HEATR1: variants seen among roughly 807,000 people sequenced by gnomAD.
HEATR1 encodes the protein HEAT repeat containing 1.
In HEATR1, 77 loss-of-function variants were observed where a neutral mutation model predicts 248.2. The observed-to-expected ratio is 0.31, with a 90% CI of 0.26 to 0.37. The LOEUF (loss-of-function observed/expected upper bound fraction) is 0.37, where lower values mean the gene tolerates loss of function less well. Ranked by LOEUF, HEATR1 falls within the 10% of genes least tolerant of loss-of-function variation. The probability of loss-of-function intolerance (pLI) is 1.00; values close to 1 mark genes in which losing one functional copy is unlikely to be tolerated. For synonymous variants in HEATR1, 897 were observed against 923.1 expected, an observed-to-expected ratio of 0.97 and a Z score of 0.51; for missense variants, 2,420 against 2,504.9, an observed-to-expected ratio of 0.97 and a Z score of 0.72.
At chr1:236,589,497 A>T (rs570141419) in intron 12 of HEATR1, among the ~76,000 whole-genome samples, 11 of 151,976 alleles carry the variant, frequency 7.2e-5, no homozygotes, top group African/African-American at 2.6e-4. Flanking sequence ...ATAAAACAAA[A>T]ATTTTTTTTT....
chr1:236,604,017 C>G lies in HEATR1; in HGVS notation c.79G>C (p.Ala27Pro). The part of the protein sequence containing the change: ...DASLLSRDEV[A>P]SLLFDPKEAA... ...TCCTTAGGGTCAAATAACAAAGAAG[C>G]AACTTCATCTCTAGATAAGAGGCTG... The change falls in exon 2 of 45, where the codon GCT (alanine) becomes CCT (proline). Residue 27 changes from alanine to proline, a missense_variant. Physicochemically the swap from Ala to Pro is conservative, Grantham distance 27. Coordinates refer to ENST00000366582, the MANE Select transcript of HEATR1 (RefSeq NM_018072.6). 6.3e-7 allele frequency: 1 copy of G among 1,599,046 alleles called. No homozygotes were observed. Among genetic ancestry groups the G allele is most frequent in the Non-Finnish European group, 8.5e-7 (1 of 1,174,468 alleles).
chr1:236,577,002 TACAAAATTTACATAGTAC>T, intron 20 of HEATR1, 53 bp from the exon 21 acceptor site: 1 of 1,349,882 alleles, frequency 7.4e-7, no homozygotes, highest in African/African-American at 1.5e-5. Flanking sequence ...ACTGAAACAG[TACAAAATTTACATAGTAC>T]CAAAGGTACT....
chr1:236,601,934 A>C (rs867660573), intron 3 of HEATR1, among the ~76,000 whole-genome samples: 3 of 151,362 alleles, frequency 2.0e-5, no homozygotes, highest in African/African-American at 7.3e-5. Context: ...GTTTGAGACC[A>C]GCCTGGCCAA....
At chr1:236,603,619 C>T (rs1341540659) in intron 2 of HEATR1, among the ~76,000 whole-genome samples, 1 of 149,406 alleles carries the variant, frequency 6.7e-6, no homozygotes, top group Non-Finnish European at 1.5e-5. Context: ...TTGGATATCC[C>T]CTACAATAAC....
In HEATR1 at chr1:236,590,925, C is replaced by T; in HGVS notation, c.1452G>A (p.Met484Ile). Residue 484 changes from methionine (M) to isoleucine (I), a missense_variant, in exon 12 of 45, where the codon ATG becomes ATA. By Grantham distance (10) the Met-to-Ile change is conservative (BLOSUM62 1). Coordinates refer to ENST00000366582, the MANE Select transcript of HEATR1 (RefSeq NM_018072.6). The stretch of plus-strand genomic sequence containing the variant: ...GAGCAAGTGGATGATTCAGGCTGAG[C>T]ATCAAAGAAGTATCAGAATCTGCTA... ...QFLADSDTSL[M>I]LSLNHPLAPV... 2.6e-6 allele frequency: 4 copies of T among 1,511,152 alleles called. No homozygotes were observed. The highest frequency in any genetic ancestry group is 3.6e-6 in the Non-Finnish European group (4 of 1,120,782). The allele number at this position is 1,511,152 out of a possible 1,614,324, so 93.6% of individuals were successfully genotyped here. A position where few individuals can be genotyped will look rare whatever the true frequency, so the allele number is the denominator to read the frequency against.
rs549839641 is a variant in HEATR1, at chr1:236,575,472, T to C, written c.3085-569A>G. ...AGATGAGTAGCTGCAACAGAGACTG[T>C]GTGGCCCCAAAAGCATAAAATATTT... On this transcript the variant is annotated intron_variant, in intron 22 of 44. Transcript: ENST00000366582. 1.4e-4 allele frequency among the ~76,000 whole-genome samples: 21 copies of C among 152,316 alleles called. No homozygotes were observed. The South Asian group carries it at 4.1e-3, about 30-fold the overall frequency.
intron 24 of HEATR1, 21 bp downstream of exon 24, chr1:236,574,181 T>C (rs747761372): frequency 2.5e-6 from 4 of 1,576,566 alleles, no homozygotes; most frequent in Admixed American, 2.0e-5. Flanking sequence ...TAAAAAAAAT[T>C]ACAAGAAGTT....
At chr1:236,586,107 T>C (rs1663877453) in intron 15 of HEATR1, 134 bp downstream of exon 15, 3 of 1,235,174 alleles carry the variant, frequency 2.4e-6, no homozygotes, top group South Asian at 1.5e-5. Flanking sequence ...TTTCACTGTA[T>C]ACTTTTTATC....
intron 41 of HEATR1, 115 bp from the exon 42 acceptor site, chr1:236,554,867 T>C (rs1662911752): frequency 6.6e-6 from 6 of 912,984 alleles, no homozygotes; most frequent in Non-Finnish European, 9.9e-6. Flanking sequence ...TAAAATGATC[T>C]AGAAATCATA....
At chr1:236,573,097 C>T (rs940994988) in intron 24 of HEATR1, among the ~76,000 whole-genome samples, 1 of 152,182 alleles carries the variant, frequency 6.6e-6, no homozygotes, top group Non-Finnish European at 1.5e-5. Flanking sequence ...TTTAACCAAG[C>T]TCTCCTACTA....
At chr1:236,586,749 T>A (rs1663896071) in intron 14 of HEATR1, among the ~76,000 whole-genome samples, 2 of 151,800 alleles carry the variant, frequency 1.3e-5, no homozygotes, top group African/African-American at 4.8e-5. Context: ...AAAAAAATAA[T>A]AATTTTTCTT....
chr1:236,559,472 ATATAT>A (rs2103126494), intron 34 of HEATR1, among the ~76,000 whole-genome samples: 1 of 152,210 alleles, frequency 6.6e-6, no homozygotes, highest in East Asian at 1.9e-4. Flanking sequence ...GTAGAACAGT[ATATAT>A]TATATGACTT....
At chr1:236,586,017 C>G in intron 15 of HEATR1, 76 bp from the exon 16 acceptor site, 1 of 1,528,178 alleles carries the variant, frequency 6.5e-7, no homozygotes. Flanking sequence ...TTCAGGCAAA[C>G]ATTTTACTAT....
At position 236,558,533 on chromosome 1, in the gene HEATR1, A is replaced by AAGGGGAC; in HGVS notation, c.4912-11_4912-5dup. On this transcript the variant is annotated splice_polypyrimidine_tract_variant and splice_region_variant and intron_variant, in intron 35 of 44. Transcript: ENST00000366582. ...CCAGTTTTAGGAAACGGGTAACCTGAAGGGGACAGCCAGAATCCCCAAATC... is the reference window on the plus strand; with the variant it reads ...CCAGTTTTAGGAAACGGGTAACCTGAAGGGGACAGGGGACAGCCAGAATCCCCAAATC... The AAGGGGAC allele has an allele frequency of 6.2e-7, 1 of 1,606,304 alleles. No individual in the cohort carries two copies. Among genetic ancestry groups the AAGGGGAC allele is most frequent in the South Asian group, 1.1e-5 (1 of 90,388 alleles).
intron 33 of HEATR1, among the ~76,000 whole-genome samples, chr1:236,560,797 CA>C (rs745496203): frequency 3.3e-5 from 5 of 152,204 alleles, no homozygotes; most frequent in Non-Finnish European, 7.3e-5. Flanking sequence ...CCATAGAAAT[CA>C]GGGCCAGATT....
At chr1:236,563,508 A>G (rs540613127) in intron 32 of HEATR1, among the ~76,000 whole-genome samples, 60 of 152,040 alleles carry the variant, frequency 3.9e-4, no homozygotes, top group Non-Finnish European at 5.4e-4. Context: ...TCCTGACCTC[A>G]TGATCCGCCC....
intron 1 of HEATR1, 111 bp downstream of exon 1, chr1:236,604,311 G>A (rs982738638): frequency 4.5e-6 from 2 of 446,860 alleles, no homozygotes; most frequent in Non-Finnish European, 7.7e-6. Context: ...AGCGGCGACC[G>A]CGCCAAGGCT....
chr1:236,558,504 G>C lies in HEATR1; in HGVS notation c.4937C>G (p.Pro1646Arg). ...ACGCTGCACAATGGCCAAAAGGTCT[G>C]GAACCAGTTTTAGGAAACGGGTAAC... is the stretch of plus-strand genomic sequence containing the variant. ...TIVTRFLKLV[P>R]DLLAIVQRKK... The change falls in exon 36 of 45, where the codon CCA becomes CGA. Residue 1646 changes from proline to arginine, a missense_variant. Pro to Arg is a moderately radical substitution (Grantham distance 103). Coordinates refer to ENST00000366582, the MANE Select transcript of HEATR1 (RefSeq NM_018072.6). 6.2e-7 allele frequency: 1 copy of C among 1,613,302 alleles called. No individual in the cohort carries two copies. Among genetic ancestry groups the C allele is most frequent in the African/African-American group, 1.3e-5 (1 of 74,990 alleles).
At chr1:236,600,345 G>C (rs1272683967) in intron 3 of HEATR1, among the ~76,000 whole-genome samples, 1 of 151,126 alleles carries the variant, frequency 6.6e-6, no homozygotes, top group Non-Finnish European at 1.5e-5. Flanking sequence ...TGCCCAGGCT[G>C]GTCTCCAACT....
Sources: allele counts gnomAD v4.1 joint callset (sites outside exome capture counted in the v4.1 genomes callset), GRCh38; gene constraint gnomAD v4.1.1; transcripts MANE v1.5; gene names NCBI Gene and HGNC (gene_info 2026-07-23, HGNC 2026-07-21).